SCAMP1: variants seen among roughly 807,000 people sequenced by gnomAD.
SCAMP1 encodes secretory carrier-associated membrane protein 1.
In SCAMP1, 15 loss-of-function variants were observed where a neutral mutation model predicts 41.8. The observed-to-expected ratio is 0.36, with a 90% confidence interval of 0.24 to 0.55. The LOEUF is 0.55. Among genes scored for constraint, SCAMP1 ranks in the 20% least tolerant of loss-of-function variants. The probability of loss-of-function intolerance (pLI) is 0.86; values close to 1 mark genes in which losing one functional copy is unlikely to be tolerated. For missense variants in SCAMP1, 341 were observed against 412.6 expected (o/e 0.83, Z 1.50); for synonymous variants, 135 against 136.8 (o/e 0.99, Z 0.09).
chr5:78,388,099 C>A (rs1271579496), intron 1 of SCAMP1, among the ~76,000 whole-genome samples: 1 of 152,200 alleles, frequency 6.6e-6, no homozygotes, highest in Non-Finnish European at 1.5e-5. Context: ...CTCGGATTTC[C>A]TGGTATGTTC....
At position 78,478,492 on chromosome 5, in the gene SCAMP1, T is replaced by C. The variant is rs1235511378; in HGVS notation, c.*2824T>C. The stretch of plus-strand genomic sequence containing the variant: ...TGTTGCATTAGACCTTTACAGGTAA[T>C]GGAACATGAGCTTCACCCATATTAA... On this transcript the variant is annotated 3_prime_UTR_variant, in exon 9 of 9. Transcript: ENST00000621999. 6.6e-6 allele frequency: 1 copy of C among 152,406 alleles called. No individual in the cohort carries two copies. The highest frequency in any genetic ancestry group is 1.5e-5 in the Non-Finnish European group (1 of 67,998). 9.4% of individuals were successfully genotyped at this position (152,406 alleles called of 1,614,324 possible). A position where few individuals can be genotyped will look rare whatever the true frequency, so the allele number is the denominator to read the frequency against.
chr5:78,366,820 C>T (rs1178525937), intron 1 of SCAMP1, among the ~76,000 whole-genome samples: 1 of 149,880 alleles, frequency 6.7e-6, no homozygotes, highest in Non-Finnish European at 1.5e-5. Flanking sequence ...ACTTCCATCT[C>T]TACTAAAATT....
At chr5:78,364,672 C>T (rs1301671718) in intron 1 of SCAMP1, among the ~76,000 whole-genome samples, 1 of 152,160 alleles carries the variant, frequency 6.6e-6, no homozygotes, top group East Asian at 1.9e-4. Flanking sequence ...GGGGAGGCAG[C>T]AGAGGATAGG....
chr5:78,459,556 C>G (rs538814028), intron 8 of SCAMP1, among the ~76,000 whole-genome samples, 194 bp downstream of exon 8: 15 of 152,214 alleles, frequency 9.9e-5, no homozygotes, highest in African/African-American at 2.9e-4. Flanking sequence ...TTTTAAACTT[C>G]AGTAAAAAGG....
intron 2 of SCAMP1, among the ~76,000 whole-genome samples, chr5:78,399,602 T>G (rs1191168165): frequency 1.3e-5 from 2 of 152,236 alleles, no homozygotes; most frequent in Non-Finnish European, 2.9e-5. Flanking sequence ...ACTTGCCATC[T>G]TTGTATCTTC....
Position 78,475,504 on chromosome 5 carries a change from G to T in SCAMP1, c.853G>T (p.Val285Leu). The T allele has an allele frequency of 6.3e-7, 1 of 1,596,300 alleles. No individual in the cohort carries two copies. The highest frequency in any genetic ancestry group is 8.5e-7 in the Non-Finnish European group (1 of 1,173,940). The change falls in exon 9 of 9, where the codon GTA becomes TTA. Residue 285 changes from valine to leucine, a missense_variant and splice_region_variant. By Grantham distance (32) the Val-to-Leu change is conservative. Coordinates refer to ENST00000621999, the MANE Select transcript of SCAMP1 (RefSeq NM_004866.6). ...AVISLVMFKK[V>L]HGLYRTTGAS... ...CTCCCACTTTTTTGTGCCTCTGTAG[G>T]TACATGGACTATATCGCACAACAGG... is the stretch of plus-strand genomic sequence containing the variant.
intron 6 of SCAMP1, among the ~76,000 whole-genome samples, chr5:78,432,139 C>G (rs866345709): frequency 6.6e-6 from 1 of 152,092 alleles, no homozygotes; most frequent in Non-Finnish European, 1.5e-5. Flanking sequence ...CCTTCCTGGC[C>G]TCTGGTCACC....
intron 2 of SCAMP1, among the ~76,000 whole-genome samples, chr5:78,410,780 C>T (rs187506694): frequency 1.3e-5 from 2 of 152,206 alleles, no homozygotes; most frequent in Non-Finnish European, 2.9e-5. Flanking sequence ...AAAAGCATTA[C>T]TTTTTCTCCA....
At chr5:78,377,799 C>T (rs1287786164) in intron 1 of SCAMP1, among the ~76,000 whole-genome samples, 1 of 152,128 alleles carries the variant, frequency 6.6e-6, no homozygotes, top group Non-Finnish European at 1.5e-5. Context: ...GAGTCTTTCC[C>T]ATGTGTGGAA....
intron 1 of SCAMP1, among the ~76,000 whole-genome samples, chr5:78,387,163 T>TC (rs1449285395): frequency 6.6e-6 from 1 of 152,114 alleles, no homozygotes; most frequent in Non-Finnish European, 1.5e-5. Flanking sequence ...ACTCTTTTTT[T>TC]CTTTGTCTTT....
intron 3 of SCAMP1, 80 bp downstream of exon 3, chr5:78,415,698 T>C: frequency 2.3e-6 from 2 of 857,320 alleles, no homozygotes; most frequent in Non-Finnish European, 3.7e-6. Context: ...AAATAAATCT[T>C]TATATGGTTA....
At chr5:78,410,053 C>G (rs1752033114) in intron 2 of SCAMP1, among the ~76,000 whole-genome samples, 1 of 151,184 alleles carries the variant, frequency 6.6e-6, no homozygotes, top group Non-Finnish European at 1.5e-5. Context: ...TTCTAAATGC[C>G]ATGTGAACTT....
At chr5:78,418,053 C>CA (rs1034910645) in intron 4 of SCAMP1, among the ~76,000 whole-genome samples, 8 of 151,984 alleles carry the variant, frequency 5.3e-5, no homozygotes, top group Non-Finnish European at 1.0e-4. Flanking sequence ...CACCATTTCT[C>CA]AAGTCTTATT....
intron 6 of SCAMP1, among the ~76,000 whole-genome samples, chr5:78,449,000 CAAAAA>C (rs370076536): frequency 2.5e-4 from 34 of 136,462 alleles, no homozygotes; most frequent in Non-Finnish European, 7.8e-5. Flanking sequence ...AACTCCGTCT[CAAAAA>C]AAAAAAAGAA....
At chr5:78,392,405 A>G (rs1017484111) in intron 2 of SCAMP1, among the ~76,000 whole-genome samples, 1 of 152,232 alleles carries the variant, frequency 6.6e-6, no homozygotes, top group African/African-American at 2.4e-5. Context: ...TGCTAGTGCT[A>G]TCTTTGGAGA....
intron 1 of SCAMP1, among the ~76,000 whole-genome samples, chr5:78,371,870 G>A (rs1298190765): frequency 1.3e-5 from 2 of 152,166 alleles, no homozygotes; most frequent in Non-Finnish European, 2.9e-5. Flanking sequence ...TAAAGCAAAG[G>A]ATATGCGTAT....
At chr5:78,446,395 G>A (rs983065364) in intron 6 of SCAMP1, among the ~76,000 whole-genome samples, 12 of 152,088 alleles carry the variant, frequency 7.9e-5, no homozygotes, top group African/African-American at 2.9e-4. Context: ...TGTGAAGGCT[G>A]TAGACATTAT....
At chr5:78,363,971 A>G (rs1418981807) in intron 1 of SCAMP1, among the ~76,000 whole-genome samples, 2 of 152,230 alleles carry the variant, frequency 1.3e-5, no homozygotes, top group African/African-American at 4.8e-5. Flanking sequence ...ATTATATAGA[A>G]GTTTCTGAGG....
At chr5:78,440,085 T>C (rs1752879567) in intron 6 of SCAMP1, among the ~76,000 whole-genome samples, 1 of 152,168 alleles carries the variant, frequency 6.6e-6, no homozygotes, top group African/African-American at 2.4e-5. Context: ...TCTATGCTGT[T>C]TATTCTAGTT....
Sources: gnomAD v4.1 joint callset for allele counts (sites outside exome capture counted in the v4.1 genomes callset) on GRCh38, gnomAD v4.1.1 for gene constraint, MANE v1.5 for transcripts, NCBI Gene and HGNC (gene_info 2026-07-23, HGNC 2026-07-21) for gene names.